CCDC178: variants seen among roughly 807,000 people sequenced by gnomAD.
CCDC178 encodes coiled-coil domain-containing protein 178.
In CCDC178, 126 loss-of-function variants were observed where a neutral mutation model predicts 117.4. The ratio of observed to expected loss-of-function variants is 1.07; its 90% CI spans 0.93 to 1.24. CCDC178 has a LOEUF of 1.24. CCDC178 is among the 50% of genes most tolerant of loss of function. The probability of loss-of-function intolerance (pLI) is 0.00; values close to 1 mark genes in which losing one functional copy is unlikely to be tolerated. For missense variants in CCDC178, 1,030 were observed against 986.9 expected (o/e 1.04, Z -0.59); for synonymous variants, 283 against 313.4 (o/e 0.90, Z 1.02).
chr18:33,307,171 T>C (rs2062267492), intron 11 of CCDC178, among the ~76,000 whole-genome samples: 1 of 152,134 alleles, frequency 6.6e-6, no homozygotes, highest in Non-Finnish European at 1.5e-5. Context: ...TGGAACTGGC[T>C]AACAGGCAGA....
In CCDC178 at chr18:33,300,835, G is replaced by A. The variant is rs545634060; in HGVS notation, c.1023-7523C>T. On this transcript the variant is annotated intron_variant, in intron 11 of 22. Transcript: ENST00000383096. The stretch of plus-strand genomic sequence containing the variant: ...AAAAGTGAAATTTATATTTAAAAGG[G>A]AAGCAGAGAGTAAAAGTCTGGAAAG... 1.9e-4 allele frequency among the ~76,000 whole-genome samples: 29 copies of A among 152,322 alleles called. No individual in the cohort carries two copies. In the South Asian group the frequency reaches 5.2e-3, roughly 27 times the overall value.
intron 15 of CCDC178, among the ~76,000 whole-genome samples, chr18:33,237,205 C>T (rs1383769644): frequency 5.9e-5 from 9 of 152,130 alleles, no homozygotes. Flanking sequence ...CTACACTCTA[C>T]AACCCTAGCT....
At chr18:33,292,579 G>A (rs1016499013) in intron 12 of CCDC178, among the ~76,000 whole-genome samples, 1 of 151,986 alleles carries the variant, frequency 6.6e-6, no homozygotes. Context: ...ATCCTCGAAA[G>A]AGGGCGATTT....
chr18:33,133,117 TGAG>T (rs1446447215), intron 20 of CCDC178, among the ~76,000 whole-genome samples: 1 of 151,826 alleles, frequency 6.6e-6, no homozygotes, highest in African/African-American at 2.4e-5. Context: ...TCAAAAGCAC[TGAG>T]AAGAAGGAGT....
intron 12 of CCDC178, among the ~76,000 whole-genome samples, chr18:33,272,848 C>T (rs936248429): frequency 6.6e-5 from 10 of 151,184 alleles, no homozygotes; most frequent in Non-Finnish European, 1.3e-4. Context: ...TTTCTATACC[C>T]TTTTGTAATA....
intron 6 of CCDC178, among the ~76,000 whole-genome samples, chr18:33,365,576 C>T (rs1044971578): frequency 2.0e-5 from 3 of 152,078 alleles, no homozygotes; most frequent in Non-Finnish European, 2.9e-5. Flanking sequence ...TTTAATAAGT[C>T]TATATTTGGT....
intron 14 of CCDC178, among the ~76,000 whole-genome samples, chr18:33,252,728 A>C (rs2059631601): frequency 6.6e-6 from 1 of 151,812 alleles, no homozygotes; most frequent in South Asian, 2.1e-4. Context: ...CTTAAAAAAC[A>C]AACTTCATAA....
intron 21 of CCDC178, among the ~76,000 whole-genome samples, chr18:33,091,868 G>A (rs1005727128): frequency 6.6e-6 from 1 of 152,058 alleles, no homozygotes; most frequent in Non-Finnish European, 1.5e-5. Context: ...TTTTATAGAT[G>A]AGAAAACTGA....
In CCDC178 at chr18:33,285,975, ATT is replaced by A. The variant is rs60956262; in HGVS notation, c.1176+7182_1176+7183del. On this transcript the variant is annotated intron_variant, in intron 12 of 22. Transcript: ENST00000383096. ...ATTATTTAAAAAATTAGCAATGTGT[ATT>A]TTTTTTTTTTTTTTGAGATGGAGTC... Among the ~76,000 whole-genome samples, 125 of 138,064 alleles carry A rather than the reference ATT, an allele frequency of 9.1e-4. 1 individual carries two copies. Among genetic ancestry groups the A allele is most frequent in the African/African-American group, 2.7e-3 (102 of 37,336 alleles). The allele number at this position is 138,064 out of a possible 152,430, so 90.6% of individuals were successfully genotyped here. A position where few individuals can be genotyped will look rare whatever the true frequency, so the allele number is the denominator to read the frequency against.
intron 20 of CCDC178, among the ~76,000 whole-genome samples, chr18:33,207,053 C>G (rs568435831): frequency 3.3e-5 from 5 of 152,258 alleles, no homozygotes; most frequent in Non-Finnish European, 7.4e-5. Flanking sequence ...AGTTTCATGT[C>G]TTCTGCTAGC....
chr18:33,316,687 C>A (rs1335245223), intron 11 of CCDC178, among the ~76,000 whole-genome samples: 1 of 152,172 alleles, frequency 6.6e-6, no homozygotes, highest in Non-Finnish European at 1.5e-5. Flanking sequence ...CCAATCAGCA[C>A]CCTGTATCTA....
chr18:33,320,531 T>C (rs2062491802), intron 11 of CCDC178, among the ~76,000 whole-genome samples: 1 of 152,080 alleles, frequency 6.6e-6, no homozygotes. Context: ...GAATCCAACT[T>C]ACAAGGGATG....
chr18:33,168,503 A>T (rs1055860770), intron 20 of CCDC178, among the ~76,000 whole-genome samples: 2 of 152,192 alleles, frequency 1.3e-5, no homozygotes, highest in Non-Finnish European at 2.9e-5. Flanking sequence ...TACTTTTTCC[A>T]ATCTAAAAAA....
At chr18:33,439,852 G>T (rs1043229035) in intron 2 of CCDC178, 110 bp downstream of exon 2, 7 of 152,202 alleles carry the variant, frequency 4.6e-5, no homozygotes, top group Admixed American at 3.9e-4. Flanking sequence ...AACAATAATA[G>T]AAAATGCTTT....
At chr18:32,960,193 G>A (rs971151385) in intron 22 of CCDC178, among the ~76,000 whole-genome samples, 2 of 151,912 alleles carry the variant, frequency 1.3e-5, no homozygotes, top group Non-Finnish European at 2.9e-5. Flanking sequence ...ATCTTTAAAG[G>A]GAAGGAAAAT....
chr18:33,426,145 G>A (rs533875350), intron 2 of CCDC178, among the ~76,000 whole-genome samples: 2 of 152,320 alleles, frequency 1.3e-5, no homozygotes, highest in East Asian at 3.9e-4. Context: ...TCCTGACTTC[G>A]TGATCCGCCC....
intron 22 of CCDC178, among the ~76,000 whole-genome samples, chr18:32,972,499 C>T (rs1410164113): frequency 1.1e-4 from 17 of 152,028 alleles, no homozygotes; most frequent in South Asian, 2.1e-4. Flanking sequence ...CTTGTCTCTA[C>T]GGGCTATTTT....
intron 10 of CCDC178, among the ~76,000 whole-genome samples, chr18:33,330,427 T>C (rs1439584229): frequency 1.3e-5 from 2 of 152,180 alleles, no homozygotes; most frequent in South Asian, 4.1e-4. Flanking sequence ...CCAAGAGGTC[T>C]AAACTCTCAT....
At chr18:33,179,130 A>AAT in intron 20 of CCDC178, among the ~76,000 whole-genome samples, 1 of 101,464 alleles carries the variant, frequency 9.9e-6, no homozygotes, top group African/African-American at 3.4e-5. Context: ...ATATATATAA[A>AAT]CTATATATAT....
Sources: allele counts gnomAD v4.1 joint callset (sites outside exome capture counted in the v4.1 genomes callset), GRCh38; gene constraint gnomAD v4.1.1; transcripts MANE v1.5; gene names NCBI Gene and HGNC (gene_info 2026-07-23, HGNC 2026-07-21).